Variants in NAA11 observed in about 807,000 individuals in gnomAD.
NAA11 encodes the protein N-alpha-acetyltransferase 11, NatA catalytic subunit, also known as N-alpha-acetyltransferase 11.
NAA11 carries 15 observed loss-of-function variants against 16.1 expected under a neutral mutation model. The observed-to-expected ratio is 0.93, with a 90% confidence interval of 0.62 to 1.44. The LOEUF (loss-of-function observed/expected upper bound fraction) is 1.44, where lower values mean the gene tolerates loss of function less well. NAA11 is among the 40% of genes most tolerant of loss of function. The pLI is 0.00. For synonymous variants in NAA11, 122 were observed against 112.4 expected (o/e 1.09, Z -0.54); for missense variants, 298 against 291.3 (o/e 1.02, Z -0.17).
chr4:79,167,156 G>GATATATATATATATATATATATA, the NAA11 span, among the ~76,000 whole-genome samples: 1 of 39,556 alleles, frequency 2.5e-5, no homozygotes. Flanking sequence ...ATATATATAT[G>GATATATATATATATATATATATA]TATATGGAGA....
intron 2 of NAA11, among the ~76,000 whole-genome samples, chr4:79,230,362 C>T (rs544308730): frequency 6.6e-6 from 1 of 151,966 alleles, no homozygotes; most frequent in East Asian, 1.9e-4. Flanking sequence ...CAGCATGGCA[C>T]ATGTATACAT....
At chr4:79,301,272 AT>A (rs1266053817) in intron 1 of NAA11, among the ~76,000 whole-genome samples, 1 of 151,966 alleles carries the variant, frequency 6.6e-6, no homozygotes, top group African/African-American at 2.4e-5. Context: ...CTCCAAGTTT[AT>A]TTTTCTTTCC....
intron 1 of NAA11, among the ~76,000 whole-genome samples, chr4:79,304,773 TG>T (rs1168292957): frequency 3.9e-5 from 6 of 152,132 alleles, no homozygotes; most frequent in Non-Finnish European, 8.8e-5. Context: ...GTAATGACGG[TG>T]GGGGTGCTGG....
intron 1 of NAA11, among the ~76,000 whole-genome samples, chr4:79,297,944 A>G (rs1466405539): frequency 6.6e-6 from 1 of 152,148 alleles, no homozygotes; most frequent in Non-Finnish European, 1.5e-5. Context: ...GGGCCCACCA[A>G]TGGCTGCCCA....
At chr4:79,192,175 G>A in the NAA11 span, among the ~76,000 whole-genome samples, 2 of 151,870 alleles carry the variant, frequency 1.3e-5, no homozygotes, top group African/African-American at 4.8e-5. Context: ...GCTCTTTTTT[G>A]GTTCCATATG....
chr4:79,258,231 T>A (rs1457693627), intron 2 of NAA11, among the ~76,000 whole-genome samples: 1 of 152,216 alleles, frequency 6.6e-6, no homozygotes, highest in African/African-American at 2.4e-5. Flanking sequence ...CCTTCCAAGT[T>A]GTGGCTGCAG....
At chr4:79,279,906 T>C (rs1383560187) in intron 2 of NAA11, among the ~76,000 whole-genome samples, 1 of 151,936 alleles carries the variant, frequency 6.6e-6, no homozygotes, top group Non-Finnish European at 1.5e-5. Context: ...GGGGTGCACT[T>C]GAAGAACAGA....
At chr4:79,261,620 C>T (rs1195517307) in intron 2 of NAA11, among the ~76,000 whole-genome samples, 1 of 151,982 alleles carries the variant, frequency 6.6e-6, no homozygotes, top group Non-Finnish European at 1.5e-5. Flanking sequence ...AGAAGTTGAA[C>T]GTGGAAGAAT....
rs1336847200 is a variant in NAA11, at chr4:79,316,660, G to A, written c.*1144C>T. On this transcript the variant is annotated 3_prime_UTR_variant, in exon 2 of 2. Transcript: ENST00000286794. ...AGTAATGATAACTCTGGATTTATCTGGTAACTTTTACTGCAGAGGTCAAGG... is the reference window on the plus strand; with the variant it reads ...AGTAATGATAACTCTGGATTTATCTAGTAACTTTTACTGCAGAGGTCAAGG... 1 of 152,014 alleles carries A rather than the reference G, an allele frequency of 6.6e-6. No homozygotes were observed. The highest frequency in any genetic ancestry group is 1.5e-5 in the Non-Finnish European group (1 of 67,988). 9.4% of individuals were successfully genotyped at this position (152,014 alleles called of 1,614,324 possible).
At chr4:79,283,799 A>T (rs1542636) in intron 2 of NAA11, among the ~76,000 whole-genome samples, 91,157 of 151,848 alleles carry the variant, frequency 0.6, 28,844 homozygotes, top group African/African-American at 0.8. Flanking sequence ...CAAAAGTTTT[A>T]AAAAATATCT....
At chr4:79,303,095 TATATATATATATA>T (rs1338013126) in intron 1 of NAA11, among the ~76,000 whole-genome samples, 9 of 108,126 alleles carry the variant, frequency 8.3e-5, no homozygotes, top group Non-Finnish European at 1.3e-4. Flanking sequence ...TATATATATA[TATATATATATATA>T]TATATATATA....
At chr4:79,185,528 C>A in the NAA11 span, among the ~76,000 whole-genome samples, 3 of 152,136 alleles carry the variant, frequency 2.0e-5, no homozygotes, top group African/African-American at 7.2e-5. Context: ...CCTAGATGAT[C>A]CTATAACTCT....
chr4:79,323,795 T>C (rs1724174209), intron 1 of NAA11, among the ~76,000 whole-genome samples: 1 of 151,002 alleles, frequency 6.6e-6, no homozygotes, highest in Non-Finnish European at 1.5e-5. Context: ...CACTCCAGCC[T>C]CGGCGACAGA....
At chr4:79,279,182 A>C (rs1324204052) in intron 2 of NAA11, among the ~76,000 whole-genome samples, 2 of 152,140 alleles carry the variant, frequency 1.3e-5, no homozygotes, top group Non-Finnish European at 2.9e-5. Context: ...TACAGATACA[A>C]ATGCTGACTA....
the NAA11 span, among the ~76,000 whole-genome samples, chr4:79,207,757 A>G: frequency 2.0e-5 from 3 of 152,128 alleles, no homozygotes; most frequent in Non-Finnish European, 4.4e-5. Flanking sequence ...GAGTGCTTTT[A>G]TCATTCATTT....
At chr4:79,230,503 G>T (rs1249380350) in intron 2 of NAA11, among the ~76,000 whole-genome samples, 1 of 45,806 alleles carries the variant, frequency 2.2e-5, no homozygotes, top group Non-Finnish European at 8.3e-5. Flanking sequence ...CCTAATTTTT[G>T]ATTCCTACAA....
Position 79,325,753 on chromosome 4 carries a change from GA to G in NAA11, c.124del (p.Ser42LeufsTer36). 1 of 1,614,228 alleles carries G rather than the reference GA, an allele frequency of 6.2e-7. No homozygotes were observed. The highest frequency in any genetic ancestry group is 8.5e-7 in the Non-Finnish European group (1 of 1,180,036). The stretch of plus-strand genomic sequence containing the variant: ...CCCGTCCTCATCCTCAGCGATGTAA[GA>G]AAGCTGGGGCCAGGAAAGGCCATGA... ...LYHGLSWPQL[S>X]YIAEDEDGKI... On this transcript the variant is annotated frameshift_variant, in exon 1 of 2. Coordinates refer to ENST00000286794, the MANE Select transcript of NAA11 (RefSeq NM_032693.3). LOFTEE classifies it high-confidence loss of function.
intron 2 of NAA11, among the ~76,000 whole-genome samples, chr4:79,244,144 C>G (rs995247563): frequency 6.6e-6 from 1 of 152,180 alleles, no homozygotes; most frequent in Non-Finnish European, 1.5e-5. Context: ...CAGGGGTGGA[C>G]CATCAGGAAC....
At chr4:79,166,695 C>T in the NAA11 span, among the ~76,000 whole-genome samples, 1 of 146,874 alleles carries the variant, frequency 6.8e-6, no homozygotes, top group African/African-American at 2.5e-5. Context: ...TGGTGAAACC[C>T]CGTCTCTACT....
Sources: allele counts gnomAD v4.1 joint callset (sites outside exome capture counted in the v4.1 genomes callset), GRCh38; gene constraint gnomAD v4.1.1; transcripts MANE v1.5; gene names NCBI Gene and HGNC (gene_info 2026-07-23, HGNC 2026-07-21).